Variants in FANCB observed in about 807,000 individuals in gnomAD.
The protein encoded by FANCB is FA complementation group B.
Under a neutral mutation model 38.9 loss-of-function variants are expected in FANCB, and 5 were observed. That is an observed-to-expected ratio of 0.13 (90% CI 0.07 to 0.27). FANCB has a LOEUF of 0.27. FANCB is among the 10% of genes least tolerant of loss of function. The pLI is 1.00. For missense variants in FANCB, 573 were observed against 602.7 expected, an observed-to-expected ratio of 0.95 and a Z score of 0.52; for synonymous variants, 236 against 215.4, an observed-to-expected ratio of 1.10 and a Z score of -0.84.
At chrX:14,810,487 G>C in the FANCB span, among the ~76,000 whole-genome samples, 2 of 112,383 alleles carry the variant, frequency 1.8e-5, no homozygotes, top group South Asian at 7.3e-4. Context: ...TGATGGAGCT[G>C]AAAGCCAAGG....
At chrX:14,773,907 C>T in the FANCB span, among the ~76,000 whole-genome samples, 1 of 111,300 alleles carries the variant, frequency 9.0e-6, no homozygotes, top group African/African-American at 3.3e-5. Context: ...TTTGTCTGGC[C>T]TGATACACAG....
At chrX:14,776,284 A>G in the FANCB span, among the ~76,000 whole-genome samples, 2 of 111,405 alleles carry the variant, frequency 1.8e-5, no homozygotes, top group Non-Finnish European at 3.8e-5. Flanking sequence ...GTTCAGACTG[A>G]TTTGGGTCTC....
the FANCB span, among the ~76,000 whole-genome samples, chrX:14,781,318 T>G: frequency 1.8e-5 from 2 of 109,933 alleles, no homozygotes; most frequent in African/African-American, 6.6e-5. Flanking sequence ...TAATCCCAGC[T>G]AGCTACTTGG....
At chrX:14,822,134 C>T in the FANCB span, among the ~76,000 whole-genome samples, 1 of 111,121 alleles carries the variant, frequency 9.0e-6, no homozygotes, top group East Asian at 2.8e-4. Flanking sequence ...AAGACTAGTG[C>T]CAGACTGTCC....
the FANCB span, among the ~76,000 whole-genome samples, chrX:14,771,841 A>ATGT: frequency 6.1e-3 from 675 of 111,172 alleles, 8 homozygotes; most frequent in African/African-American, 0.021. Flanking sequence ...TTTGTTGTTC[A>ATGT]TGTTGTTGTT....
the FANCB span, among the ~76,000 whole-genome samples, chrX:14,826,281 G>GCTTC: frequency 9.0e-6 from 1 of 111,555 alleles, no homozygotes; most frequent in African/African-American, 3.3e-5. Flanking sequence ...GCTGACTTCT[G>GCTTC]TCCCCAAGCA....
At chrX:14,761,613 G>A in the FANCB span, among the ~76,000 whole-genome samples, 1 of 111,218 alleles carries the variant, frequency 9.0e-6, no homozygotes, top group East Asian at 2.8e-4. Context: ...AGGTTTGAGG[G>A]GAGTCCTAAT....
At chrX:14,755,298 C>A in the FANCB span, among the ~76,000 whole-genome samples, 1 of 111,232 alleles carries the variant, frequency 9.0e-6, no homozygotes, top group Non-Finnish European at 1.9e-5. Context: ...GATCATAGAA[C>A]AATTATGCAA....
intron 6 of FANCB, among the ~76,000 whole-genome samples, chrX:14,850,982 G>A (rs1441725951): frequency 1.8e-5 from 2 of 110,960 alleles, no homozygotes; most frequent in Non-Finnish European, 3.8e-5. Context: ...CTGATAATAT[G>A]TACCCCAGTT....
At chrX:14,864,512 A>C in intron 3 of FANCB, 48 bp downstream of exon 3, 2 of 844,390 alleles carry the variant, frequency 2.4e-6, no homozygotes, top group Non-Finnish European at 3.6e-6. Context: ...CAAATGTTTA[A>C]AAGGTCTGAG....
chrX:14,815,226 G>A, the FANCB span, among the ~76,000 whole-genome samples: 1 of 110,483 alleles, frequency 9.1e-6, no homozygotes. Context: ...TGTAAATGAC[G>A]AGTTACTGGG....
the FANCB span, among the ~76,000 whole-genome samples, chrX:14,779,781 G>C: frequency 9.0e-6 from 1 of 111,037 alleles, no homozygotes; most frequent in Non-Finnish European, 1.9e-5. Flanking sequence ...AGGTCTGAGA[G>C]ATGGGCTGTA....
chrX:14,767,078 A>G, the FANCB span, among the ~76,000 whole-genome samples: 1 of 111,588 alleles, frequency 9.0e-6, no homozygotes, highest in Non-Finnish European at 1.9e-5. Flanking sequence ...CATTTTCTTT[A>G]TCTAGTTTCC....
chrX:14,813,665 G>A, the FANCB span, among the ~76,000 whole-genome samples: 2 of 111,360 alleles, frequency 1.8e-5, no homozygotes, highest in African/African-American at 3.3e-5. Flanking sequence ...ACTACTCAAC[G>A]AAATAAAAGA....
the FANCB span, chrX:14,690,638 G>T: frequency 1.3e-6 from 1 of 745,127 alleles, no homozygotes; most frequent in African/African-American, 2.1e-5. Context: ...TGGTTTCCTG[G>T]CAGGCTTTCA....
At chrX:14,860,881 CAGAT>C (rs2147434033) in intron 3 of FANCB, among the ~76,000 whole-genome samples, 1 of 110,437 alleles carries the variant, frequency 9.1e-6, no homozygotes, top group South Asian at 3.9e-4. Flanking sequence ...ATTTTATTGA[CAGAT>C]GGATTTTTTT....
chrX:14,789,771 T>G, the FANCB span, among the ~76,000 whole-genome samples: 3 of 111,916 alleles, frequency 2.7e-5, no homozygotes, highest in Non-Finnish European at 5.6e-5. Flanking sequence ...GTTATTTATG[T>G]CATGCTAATC....
the FANCB span, among the ~76,000 whole-genome samples, chrX:14,691,170 G>A: frequency 2.7e-5 from 3 of 111,221 alleles, no homozygotes; most frequent in African/African-American, 6.5e-5. Flanking sequence ...TCTGAAATTC[G>A]GAAGTAACTG....
At chrX:14,727,860 G>C in the FANCB span, among the ~76,000 whole-genome samples, 1 of 111,566 alleles carries the variant, frequency 9.0e-6, no homozygotes, top group African/African-American at 3.3e-5. Context: ...ACCAGATTCT[G>C]AAAGTTCCAT....
Sources: gnomAD v4.1 joint callset for allele counts (sites outside exome capture counted in the v4.1 genomes callset) on GRCh38, gnomAD v4.1.1 for gene constraint, MANE v1.5 for transcripts, NCBI Gene and HGNC (gene_info 2026-07-23, HGNC 2026-07-21) for gene names.